The following FARP1 variants were observed in gnomAD, a reference collection of about 807,000 sequenced individuals.
FARP1 encodes FERM, ARH/RhoGEF and pleckstrin domain protein 1.
Under a neutral mutation model 128.8 loss-of-function variants are expected in FARP1, and 52 were observed. The observed-to-expected ratio is 0.40, with a 90% CI of 0.32 to 0.51. The LOEUF (loss-of-function observed/expected upper bound fraction) is 0.51. Among genes scored for constraint, FARP1 ranks in the 20% least tolerant of loss-of-function variants. The probability of loss-of-function intolerance (pLI) is 0.45; values close to 1 mark genes in which losing one functional copy is unlikely to be tolerated. For missense variants in FARP1, 1,333 were observed against 1,367.9 expected, an observed-to-expected ratio of 0.97 and a Z score of 0.40; for synonymous variants, 580 against 551.8, an observed-to-expected ratio of 1.05 and a Z score of -0.72.
At chr13:98,400,421 G>T (rs1198234053) in intron 13 of FARP1, 1 of 152,190 alleles carries the variant, frequency 6.6e-6, no homozygotes, top group African/African-American at 2.4e-5. Flanking sequence ...ACAGCTCTCT[G>T]TTTCATACCT....
Position 98,161,436 on chromosome 13 carries a change from C to T in FARP1, c.-24+17944C>T, listed in dbSNP as rs143662557. 5.3e-3 allele frequency among the ~76,000 whole-genome samples: 811 copies of T among 152,100 alleles called. 8 individuals are homozygous for T. Among genetic ancestry groups the T allele is most frequent in the African/African-American group, 0.019 (772 of 41,496 alleles). ...TTCACCATGTTAGCAAGGCTGGTCT[C>T]GATCTCCTGACCTCAAAAGATCCGC... On this transcript the variant is annotated intron_variant, in intron 1 of 26. Coordinates refer to ENST00000319562, the MANE Select transcript of FARP1 (RefSeq NM_005766.4).
chr13:98,372,782 G>A (rs1889406190), intron 5 of FARP1, among the ~76,000 whole-genome samples: 1 of 152,108 alleles, frequency 6.6e-6, no homozygotes, highest in African/African-American at 2.4e-5. Flanking sequence ...CATGAGAGGT[G>A]GACTCTCCTC....
At chr13:98,279,626 C>A (rs57113062) in intron 2 of FARP1, among the ~76,000 whole-genome samples, 12,748 of 152,230 alleles carry the variant, frequency 0.084, 1,084 homozygotes, top group African/African-American at 0.22. Flanking sequence ...GGGCAGAGCA[C>A]GTGCAGAGGC....
intron 24 of FARP1, among the ~76,000 whole-genome samples, chr13:98,442,647 G>T: frequency 6.6e-6 from 1 of 152,220 alleles, no homozygotes; most frequent in Non-Finnish European, 1.5e-5. Context: ...CGCAAAGCTT[G>T]CGGGTCTGAG....
intron 3 of FARP1, among the ~76,000 whole-genome samples, chr13:98,364,228 A>T (rs1386162542): frequency 2.0e-5 from 3 of 152,208 alleles, no homozygotes; most frequent in Non-Finnish European, 4.4e-5. Context: ...TTAGGTCCTG[A>T]TTCTCTAATA....
intron 2 of FARP1, among the ~76,000 whole-genome samples, chr13:98,264,206 GTA>G: frequency 6.6e-6 from 1 of 152,316 alleles, no homozygotes; most frequent in African/African-American, 2.4e-5. Flanking sequence ...GCTCTTGGCA[GTA>G]TGGCCATACC....
At chr13:98,410,051 T>C (rs57949457) in intron 14 of FARP1, among the ~76,000 whole-genome samples, 4,000 of 152,334 alleles carry the variant, frequency 0.026, 99 homozygotes, top group African/African-American at 0.063. Context: ...TGAACATGAG[T>C]GTCCAGGTAT....
intron 2 of FARP1, among the ~76,000 whole-genome samples, chr13:98,296,859 A>AT (rs1885719615): frequency 6.6e-6 from 1 of 151,546 alleles, no homozygotes; most frequent in Non-Finnish European, 1.5e-5. Context: ...TAATTTTTGT[A>AT]TTTTTTGTGG....
intron 2 of FARP1, among the ~76,000 whole-genome samples, chr13:98,334,865 C>T (rs939090326): frequency 5.3e-5 from 8 of 152,182 alleles, no homozygotes; most frequent in African/African-American, 1.2e-4. Context: ...CAGATCAGCT[C>T]GTACCTTGAG....
At chr13:98,243,323 C>G (rs1250797055) in intron 2 of FARP1, among the ~76,000 whole-genome samples, 1 of 152,134 alleles carries the variant, frequency 6.6e-6, no homozygotes, top group African/African-American at 2.4e-5. Flanking sequence ...GTGTGCCAGT[C>G]TCAATGCATG....
chr13:98,220,077 G>A (rs1881327485), intron 2 of FARP1, among the ~76,000 whole-genome samples: 1 of 151,706 alleles, frequency 6.6e-6, no homozygotes, highest in South Asian at 2.1e-4. Context: ...CCGCAAAGAG[G>A]TGAAATACAC....
intron 2 of FARP1, among the ~76,000 whole-genome samples, chr13:98,319,093 G>T (rs1158830990): frequency 6.6e-6 from 1 of 151,394 alleles, no homozygotes; most frequent in East Asian, 2.0e-4. Context: ...CTCCCAAGTA[G>T]CTGGGACCAC....
intron 2 of FARP1, among the ~76,000 whole-genome samples, chr13:98,215,826 G>A (rs1881028970): frequency 6.7e-6 from 1 of 150,230 alleles, no homozygotes; most frequent in African/African-American, 2.5e-5. Context: ...GAGTCTTGCT[G>A]TGTCTCTAGG....
At chr13:98,342,618 T>G (rs1888017565) in intron 2 of FARP1, among the ~76,000 whole-genome samples, 1 of 152,068 alleles carries the variant, frequency 6.6e-6, no homozygotes, top group Non-Finnish European at 1.5e-5. Flanking sequence ...GAGAATCACT[T>G]GAACCTGGGA....
At chr13:98,432,236 G>GC (rs1262195263) in intron 18 of FARP1, 1 of 152,296 alleles carries the variant, frequency 6.6e-6, no homozygotes, top group Non-Finnish European at 1.5e-5. Context: ...GCTCGTACTT[G>GC]CTCAGCCCCA....
chr13:98,371,217 CG>C (rs1889312014), intron 5 of FARP1, among the ~76,000 whole-genome samples: 1 of 89,744 alleles, frequency 1.1e-5, no homozygotes, highest in East Asian at 2.7e-4. Context: ...CCCCGCCCCC[CG>C]TTTTTTTTTT....
At chr13:98,225,778 A>G (rs142551533) in intron 2 of FARP1, among the ~76,000 whole-genome samples, 295 of 152,294 alleles carry the variant, frequency 1.9e-3, no homozygotes, top group Middle Eastern at 3.4e-3. Flanking sequence ...TTAGCTTCCA[A>G]ACTTATTTTT....
intron 17 of FARP1, among the ~76,000 whole-genome samples, chr13:98,429,558 G>T (rs1321431081): frequency 6.6e-6 from 1 of 152,192 alleles, no homozygotes; most frequent in African/African-American, 2.4e-5. Context: ...ACTTGGGGAC[G>T]GGTTCATACA....
rs1890474305 is a variant in FARP1, at chr13:98,395,222, C to T, written c.1165-5C>T. 2.5e-6 allele frequency: 4 copies of T among 1,586,598 alleles called. No homozygotes were observed. Among genetic ancestry groups the T allele is most frequent in the Non-Finnish European group, 3.5e-6 (4 of 1,159,024 alleles). ...TCTCCGCACCTTTTTCCCCACCCCA[C>T]CCAGTCTCAGCAGAGCACCAGCCTT... On this transcript the variant is annotated splice_polypyrimidine_tract_variant and splice_region_variant and intron_variant, in intron 12 of 26. Transcript: ENST00000319562.
Sources: allele counts gnomAD v4.1 joint callset (sites outside exome capture counted in the v4.1 genomes callset), GRCh38; gene constraint gnomAD v4.1.1; transcripts MANE v1.5; gene names NCBI Gene and HGNC (gene_info 2026-07-23, HGNC 2026-07-21).